SLAMF1: variants seen among roughly 807,000 people sequenced by gnomAD.
SLAMF1 encodes signaling lymphocytic activation molecule family member 1, also known as signaling lymphocytic activation molecule.
A neutral mutation model predicts 35.1 loss-of-function variants in SLAMF1; 18 were observed. The observed-to-expected ratio is 0.51, with a 90% CI of 0.35 to 0.76. The LOEUF (loss-of-function observed/expected upper bound fraction) is 0.76, where lower values mean the gene tolerates loss of function less well. SLAMF1 is among the 30% of genes least tolerant of loss of function. The pLI, the probability that SLAMF1 is intolerant of heterozygous loss-of-function variation, is 0.01. For synonymous variants in SLAMF1, 168 were observed against 157.2 expected (o/e 1.07, Z -0.51); for missense variants, 392 against 413.0 (o/e 0.95, Z 0.44).
At chr1:160,631,756 G>T (rs1333037329) in intron 3 of SLAMF1, among the ~76,000 whole-genome samples, 1 of 152,134 alleles carries the variant, frequency 6.6e-6, no homozygotes, top group Non-Finnish European at 1.5e-5. Context: ...GCAAGCTAAG[G>T]CGAGAGGCCT....
Position 160,647,022 on chromosome 1 carries a change from G to C in SLAMF1, c.-77C>G, listed in dbSNP as rs554581460. On this transcript the variant is annotated 5_prime_UTR_variant, in exon 1 of 7. Transcript: ENST00000302035. ...CAGATGCCAGGCAGAAGCAAGCTTCGTGTCATGCAGCAGAGGCTGTCTGAT... is the reference window on the plus strand; with the variant it reads ...CAGATGCCAGGCAGAAGCAAGCTTCCTGTCATGCAGCAGAGGCTGTCTGAT... 3 of 762,614 alleles carry C rather than the reference G, an allele frequency of 3.9e-6. No homozygotes were observed. The Admixed American group carries it at 6.1e-5, about 15-fold the overall frequency. The allele number at this position is 762,614 out of a possible 1,614,324, so 47.2% of individuals were successfully genotyped here.
intron 5 of SLAMF1, 104 bp from the exon 6 acceptor site, chr1:160,612,684 G>T (rs1659055777): frequency 1.5e-6 from 1 of 670,350 alleles, no homozygotes; most frequent in Non-Finnish European, 2.6e-6. Flanking sequence ...GAGGCAGAAA[G>T]TTCCTTCCAG....
intron 5 of SLAMF1, among the ~76,000 whole-genome samples, chr1:160,618,843 G>T (rs930908039): frequency 2.0e-5 from 3 of 152,142 alleles, no homozygotes; most frequent in Non-Finnish European, 4.4e-5. Flanking sequence ...AGATGAGAGC[G>T]TGGGGTGAAA....
intron 5 of SLAMF1, among the ~76,000 whole-genome samples, chr1:160,615,504 C>G (rs1360847251): frequency 1.3e-5 from 2 of 151,840 alleles, no homozygotes; most frequent in African/African-American, 4.8e-5. Flanking sequence ...CAAAGAAACC[C>G]CAGTCTCAGA....
At chr1:160,639,265 G>A (rs1291969885) in intron 1 of SLAMF1, among the ~76,000 whole-genome samples, 2 of 151,594 alleles carry the variant, frequency 1.3e-5, no homozygotes, top group East Asian at 1.9e-4. Flanking sequence ...TTGTGCTGTC[G>A]CCCAGGCTGG....
Position 160,634,922 on chromosome 1 carries a change from C to T in SLAMF1, c.416-25G>A, listed in dbSNP as rs755245975. 7 of 1,587,386 alleles carry T rather than the reference C, an allele frequency of 4.4e-6. No individual in the cohort carries two copies. The African/African-American group carries it at 6.7e-5, about 15-fold the overall frequency. Reference sequence around the variant, plus strand: ...TCTGTCAGGAGTGGGAGGAAGGGAGCCATCACTGAAGTGAACCCCTGGGAA... The same window carrying T: ...TCTGTCAGGAGTGGGAGGAAGGGAGTCATCACTGAAGTGAACCCCTGGGAA... On this transcript the variant is annotated intron_variant, in intron 2 of 6. Coordinates refer to ENST00000302035, the MANE Select transcript of SLAMF1 (RefSeq NM_003037.5).
At chr1:160,637,582 T>C in intron 1 of SLAMF1, 53 bp from the exon 2 acceptor site, 3 of 1,305,402 alleles carry the variant, frequency 2.3e-6, no homozygotes, top group Non-Finnish European at 3.2e-6. Flanking sequence ...TTAGACAACA[T>C]CGTGTCAGCA....
At chr1:160,630,972 T>C (rs1326553053) in intron 3 of SLAMF1, among the ~76,000 whole-genome samples, 1 of 152,220 alleles carries the variant, frequency 6.6e-6, no homozygotes, top group Non-Finnish European at 1.5e-5. Flanking sequence ...AATAATTCCC[T>C]CCTGTTTGTT....
At chr1:160,639,944 T>A (rs369902976) in intron 1 of SLAMF1, among the ~76,000 whole-genome samples, 11 of 152,170 alleles carry the variant, frequency 7.2e-5, no homozygotes, top group African/African-American at 2.4e-4. Context: ...CTTTTGCTGT[T>A]CCTCTCTCTG....
intron 1 of SLAMF1, among the ~76,000 whole-genome samples, chr1:160,646,051 T>A (rs1661024790): frequency 6.6e-6 from 1 of 152,182 alleles, no homozygotes; most frequent in African/African-American, 2.4e-5. Context: ...ACTTCTTGCT[T>A]GGCTTTTTCT....
intron 1 of SLAMF1, among the ~76,000 whole-genome samples, chr1:160,645,049 T>C (rs1033959564): frequency 6.6e-6 from 1 of 152,222 alleles, no homozygotes; most frequent in Non-Finnish European, 1.5e-5. Context: ...AACTTTGCTG[T>C]GAACCTAAAA....
At chr1:160,635,679 C>A (rs1660415750) in intron 2 of SLAMF1, among the ~76,000 whole-genome samples, 1 of 150,780 alleles carries the variant, frequency 6.6e-6, no homozygotes, top group South Asian at 2.1e-4. Context: ...TCACGCCATT[C>A]TCCTGCCTCA....
chr1:160,622,486 T>C (rs1659667671), intron 4 of SLAMF1, among the ~76,000 whole-genome samples: 10 of 152,222 alleles, frequency 6.6e-5, no homozygotes, highest in Admixed American at 6.5e-4. Context: ...TTCCAGATGC[T>C]TCCAGTGCAG....
chr1:160,631,414 G>A (rs910451819), intron 3 of SLAMF1, among the ~76,000 whole-genome samples: 4 of 152,156 alleles, frequency 2.6e-5, no homozygotes, highest in Admixed American at 1.3e-4. Flanking sequence ...TGGACATAGC[G>A]TCTTCACAGA....
At chr1:160,638,729 C>T (rs1293478790) in intron 1 of SLAMF1, among the ~76,000 whole-genome samples, 3 of 152,212 alleles carry the variant, frequency 2.0e-5, no homozygotes, top group Admixed American at 2.0e-4. Context: ...ACTGTCTACT[C>T]CACTAAGCCA....
At chr1:160,643,107 A>C (rs1278167655) in intron 1 of SLAMF1, among the ~76,000 whole-genome samples, 2 of 152,132 alleles carry the variant, frequency 1.3e-5, no homozygotes, top group African/African-American at 4.8e-5. Context: ...GAGTAAACAG[A>C]CACTCCATAG....
At chr1:160,611,924 C>G (rs1442832134) in intron 6 of SLAMF1, among the ~76,000 whole-genome samples, 1 of 152,140 alleles carries the variant, frequency 6.6e-6, no homozygotes, top group Non-Finnish European at 1.5e-5. Flanking sequence ...TCAGAATTAC[C>G]TGGGGTGTGG....
At chr1:160,637,155 C>T (rs763559965) in intron 2 of SLAMF1, 36 bp downstream of exon 2, 6 of 1,462,280 alleles carry the variant, frequency 4.1e-6, no homozygotes, top group Admixed American at 1.7e-5. Flanking sequence ...AGCACCTTGG[C>T]CCTTTAGTGT....
chr1:160,632,948 G>A (rs1001377267), intron 3 of SLAMF1, among the ~76,000 whole-genome samples: 18 of 152,080 alleles, frequency 1.2e-4, no homozygotes. Context: ...TCTGTGAAGT[G>A]GGGATACTAT....
Sources: allele counts gnomAD v4.1 joint callset (sites outside exome capture counted in the v4.1 genomes callset), GRCh38; gene constraint gnomAD v4.1.1; transcripts MANE v1.5; gene names NCBI Gene and HGNC (gene_info 2026-07-23, HGNC 2026-07-21).